The following UGT1A5 variants were observed in gnomAD, a reference collection of about 807,000 sequenced individuals.
The protein encoded by UGT1A5 is UDP-glucuronosyltransferase 1A5.
A neutral mutation model predicts 40.3 loss-of-function variants in UGT1A5; 29 were observed. The ratio of observed to expected loss-of-function variants is 0.72; its 90% CI spans 0.54 to 0.98. The LOEUF is 0.98. Ranked by LOEUF, UGT1A5 falls within the 50% of genes least tolerant of loss-of-function variation. The pLI, the probability that UGT1A5 is intolerant of heterozygous loss-of-function variation, is 0.00. For synonymous variants in UGT1A5, 257 were observed against 262.5 expected (o/e 0.98, Z 0.20); for missense variants, 678 against 677.9 (o/e 1.00, Z 0.00).
chr2:233,745,932 CAGCTGGGGGTT>C (rs1347994151), intron 1 of UGT1A5, among the ~76,000 whole-genome samples: 3 of 151,404 alleles, frequency 2.0e-5, no homozygotes, highest in East Asian at 3.9e-4. Context: ...TCAGAAGGGA[CAGCTGGGGGTT>C]GGGCAACTGG....
chr2:233,724,232 C>T (rs1575550946), intron 1 of UGT1A5, among the ~76,000 whole-genome samples: 6 of 120,552 alleles, frequency 5.0e-5, no homozygotes, highest in South Asian at 3.2e-4. Flanking sequence ...CCAGTAGGGG[C>T]GGCCGGGCAG....
chr2:233,761,292 A>G, intron 1 of UGT1A5: 4 of 1,528,102 alleles, frequency 2.6e-6, no homozygotes, highest in Middle Eastern at 1.9e-4. Flanking sequence ...TTTGACTCCT[A>G]GGTTTGAGTC....
intron 1 of UGT1A5, among the ~76,000 whole-genome samples, chr2:233,738,473 C>G (rs1020432064): frequency 1.3e-5 from 2 of 152,168 alleles, no homozygotes; most frequent in Non-Finnish European, 1.5e-5. Flanking sequence ...TTTGGAACTT[C>G]CTGGAGACTT....
At chr2:233,718,746 TA>T in intron 1 of UGT1A5, 8 of 1,612,108 alleles carry the variant, frequency 5.0e-6, no homozygotes, top group Non-Finnish European at 5.9e-6. Flanking sequence ...AATGACAAGG[TA>T]ATTAAGGCGA....
chr2:233,714,075 C>T (rs575529005), intron 1 of UGT1A5, among the ~76,000 whole-genome samples: 10 of 151,962 alleles, frequency 6.6e-5, no homozygotes, highest in Non-Finnish European at 8.8e-5. Context: ...GAGGCAGGGA[C>T]GAGGATCTGT....
rs1049544264 is a variant in UGT1A5 at position 233,721,928 on chromosome 2, T to C, written c.867+8070T>C. 6 of 384,478 alleles carry C rather than the reference T, an allele frequency of 1.6e-5. No homozygotes were observed. The East Asian group carries it at 4.4e-4, about 28-fold the overall frequency. The allele number at this position is 384,478 out of a possible 1,614,324, so 23.8% of individuals were successfully genotyped here. A position where few individuals can be genotyped will look rare whatever the true frequency, so the allele number is the denominator to read the frequency against. ...TGCACACTGCTTCCATAAAGTGACATCCTTCAGACACTTGGTGGCTCTTTG... is the reference window on the plus strand; with the variant it reads ...TGCACACTGCTTCCATAAAGTGACACCCTTCAGACACTTGGTGGCTCTTTG... On this transcript the variant is annotated intron_variant, in intron 1 of 4. Transcript: ENST00000373414.
At chr2:233,737,644 A>G (rs548345975) in intron 1 of UGT1A5, among the ~76,000 whole-genome samples, 1 of 152,248 alleles carries the variant, frequency 6.6e-6, no homozygotes, top group Admixed American at 6.5e-5. Context: ...TGCGTCGATC[A>G]TGCTGGGAGC....
In UGT1A5 at chr2:233,772,321, T is replaced by C; in HGVS notation, c.1367T>C (p.Leu456Pro). 1 of 1,614,248 alleles carries C rather than the reference T, an allele frequency of 6.2e-7. No homozygotes were observed. The highest frequency in any genetic ancestry group is 8.5e-7 in the Non-Finnish European group (1 of 1,180,036). ...CACAAGGACCGCCCGGTGGAGCCGC[T>C]GGACCTGGCCGTGTTCTGGGTGGAG... is the stretch of plus-strand genomic sequence containing the variant. Reference protein sequence around the residue: ...SLHKDRPVEPLDLAVFWVEFV... With the variant: ...SLHKDRPVEPPDLAVFWVEFV... Residue 456 changes from leucine to proline, a missense_variant, in exon 5 of 5, where the codon CTG (leucine) becomes CCG (proline). By Grantham distance (98) the Leu-to-Pro change is moderately conservative. Coordinates refer to ENST00000373414, the MANE Select transcript of UGT1A5 (RefSeq NM_019078.2).
chr2:233,765,251 A>C (rs1476483631), intron 1 of UGT1A5, among the ~76,000 whole-genome samples: 1 of 152,222 alleles, frequency 6.6e-6, no homozygotes, highest in African/African-American at 2.4e-5. Flanking sequence ...TAATCCCATT[A>C]CTGGGTATAT....
At chr2:233,750,052 T>C (rs1170416516) in intron 1 of UGT1A5, among the ~76,000 whole-genome samples, 1 of 151,744 alleles carries the variant, frequency 6.6e-6, no homozygotes, top group Non-Finnish European at 1.5e-5. Context: ...AATGTGGAAG[T>C]GACTTTGGAA....
intron 1 of UGT1A5, chr2:233,717,643 C>T (rs1326962765): frequency 7.7e-6 from 3 of 388,842 alleles, no homozygotes; most frequent in Non-Finnish European, 1.6e-5. Flanking sequence ...CCTGGGGCGA[C>T]CAGGACAAGG....
At chr2:233,740,742 A>T (rs1322255847) in intron 1 of UGT1A5, 3 of 151,738 alleles carry the variant, frequency 2.0e-5, no homozygotes, top group African/African-American at 4.9e-5. Context: ...GCCCCCTTTT[A>T]CACTCTGAAA....
rs1476500325 is a variant in UGT1A5 at position 233,772,338 on chromosome 2, T to C, written c.1384T>C (p.Trp462Arg). ...PVEPLDLAVF[W>R]VEFVMRHKGA... ...GGAGCCGCTGGACCTGGCCGTGTTC[T>C]GGGTGGAGTTTGTGATGAGGCACAA... Residue 462 changes from tryptophan (W) to arginine (R), a missense_variant, in exon 5 of 5, where the codon TGG becomes CGG. Trp to Arg is a moderately radical substitution (Grantham distance 101). Coordinates refer to ENST00000373414, the MANE Select transcript of UGT1A5 (RefSeq NM_019078.2). 3.1e-6 allele frequency: 5 copies of C among 1,614,136 alleles called. No individual in the cohort carries two copies. The highest frequency in any genetic ancestry group is 4.2e-6 in the Non-Finnish European group (5 of 1,180,052).
chr2:233,769,856 T>TAAA lies in UGT1A5; in HGVS notation c.1307+1417_1307+1418insAAA. ...CTGGGCAACAGAGTGAGACCCTGTCTCAAAAAAAAAAAAAAAAATGAAAAG... is the reference window on the plus strand; with the variant it reads ...CTGGGCAACAGAGTGAGACCCTGTCTAAACAAAAAAAAAAAAAAAAATGAAAAG... On this transcript the variant is annotated intron_variant, in intron 4 of 4. Transcript: ENST00000373414. This position sits in a 1 kb window ranked among gnomAD's most constrained non-coding sequence, Gnocchi z 4.4. 1 of 322,430 alleles carries TAAA rather than the reference T, an allele frequency of 3.1e-6. No individual in the cohort carries two copies. The highest frequency in any genetic ancestry group is 5.0e-6 in the Non-Finnish European group (1 of 199,342). 20.0% of individuals were successfully genotyped at this position (322,430 alleles called of 1,614,324 possible).
chr2:233,763,341 T>C (rs1156611161), intron 1 of UGT1A5, among the ~76,000 whole-genome samples: 2 of 152,260 alleles, frequency 1.3e-5, no homozygotes, highest in African/African-American at 4.8e-5. Context: ...TACATTTCCC[T>C]AGCACATCTT....
At chr2:233,753,723 TATGCCCC>T (rs1654919100) in intron 1 of UGT1A5, 1 of 152,226 alleles carries the variant, frequency 6.6e-6, no homozygotes, top group Non-Finnish European at 1.5e-5. Flanking sequence ...CCTAATTTGA[TATGCCCC>T]AAGCACAGCA....
intron 1 of UGT1A5, chr2:233,721,744 G>T: frequency 4.6e-6 from 2 of 439,016 alleles, no homozygotes; most frequent in South Asian, 1.7e-5. Flanking sequence ...AATGATGAGA[G>T]AATCTACATC....
At chr2:233,748,129 T>A in intron 1 of UGT1A5, 2 of 1,610,122 alleles carry the variant, frequency 1.2e-6, no homozygotes, top group Admixed American at 1.7e-5. Context: ...AAACAGTTTT[T>A]AAAAATTGTA....
chr2:233,744,064 T>G, intron 1 of UGT1A5: 1 of 560,044 alleles, frequency 1.8e-6, no homozygotes, highest in Non-Finnish European at 2.7e-6. Context: ...TCGAGGCCTA[T>G]GAGCGCCTCG....
Sources: allele counts gnomAD v4.1 joint callset (sites outside exome capture counted in the v4.1 genomes callset), GRCh38; gene constraint gnomAD v4.1.1; non-coding constraint Gnocchi (gnomAD v3.1); transcripts MANE v1.5; gene names NCBI Gene and HGNC (gene_info 2026-07-23, HGNC 2026-07-21).